The following PCDHA2 variants were observed in gnomAD, a reference collection of about 807,000 sequenced individuals.
The protein encoded by PCDHA2 is protocadherin alpha-2.
Under a neutral mutation model 66.0 loss-of-function variants are expected in PCDHA2, and 58 were observed. That is an observed-to-expected ratio of 0.88 (90% CI 0.71 to 1.09). PCDHA2 has a LOEUF of 1.09. Ranked by LOEUF, PCDHA2 falls within the 50% of genes least tolerant of loss-of-function variation. The probability of loss-of-function intolerance (pLI) is 0.00; values close to 1 mark genes in which losing one functional copy is unlikely to be tolerated. For missense variants in PCDHA2, 1,267 were observed against 1,242.3 expected, an observed-to-expected ratio of 1.02 and a Z score of -0.30; for synonymous variants, 634 against 554.0, an observed-to-expected ratio of 1.14 and a Z score of -2.03.
intron 1 of PCDHA2, chr5:140,876,863 T>C (rs1225401565): frequency 4.3e-6 from 7 of 1,613,806 alleles, no homozygotes; most frequent in Non-Finnish European, 5.1e-6. Flanking sequence ...ACAGTGTTCG[T>C]GAAGGAGAAC....
rs140711682 is a variant in PCDHA2, at chr5:140,849,699, A to T, written c.2388+52347A>T. On this transcript the variant is annotated intron_variant, in intron 1 of 3. Coordinates refer to ENST00000526136, the MANE Select transcript of PCDHA2 (RefSeq NM_018905.3). ...CCCCTTCAAGCTGGTGTCCACCTACAAGAATTACTACTCGTTGGTGCTGGA... is the reference window on the plus strand; with the variant it reads ...CCCCTTCAAGCTGGTGTCCACCTACTAGAATTACTACTCGTTGGTGCTGGA... 57 of 1,598,608 alleles carry T rather than the reference A, an allele frequency of 3.6e-5. 2 individuals carry two copies. The African/African-American group carries it at 7.7e-4, about 21-fold the overall frequency.
intron 3 of PCDHA2, 149 bp downstream of exon 3, chr5:140,982,712 T>C: frequency 7.3e-7 from 1 of 1,373,964 alleles, no homozygotes; most frequent in Non-Finnish European, 9.6e-7. Context: ...TCCTTACATA[T>C]ATGATTATTT....
chr5:140,861,121 A>G (rs556416106), intron 1 of PCDHA2: 3 of 153,482 alleles, frequency 2.0e-5, no homozygotes, highest in African/African-American at 7.2e-5. Flanking sequence ...ACAAACACCC[A>G]TTAAGACCAC....
intron 1 of PCDHA2, among the ~76,000 whole-genome samples, chr5:140,900,051 C>G (rs1489382607): frequency 6.6e-6 from 1 of 152,168 alleles, no homozygotes; most frequent in African/African-American, 2.4e-5. Flanking sequence ...CTCAAGTGAT[C>G]CTTTAACCTC....
intron 1 of PCDHA2, among the ~76,000 whole-genome samples, chr5:140,819,544 C>A (rs1389575775): frequency 6.6e-6 from 1 of 152,036 alleles, no homozygotes; most frequent in Admixed American, 6.5e-5. Flanking sequence ...TAATCTGTAA[C>A]ATTTGATTGA....
intron 1 of PCDHA2, among the ~76,000 whole-genome samples, chr5:140,855,699 C>A (rs901621120): frequency 6.7e-6 from 1 of 149,362 alleles, no homozygotes; most frequent in Non-Finnish European, 1.5e-5. Context: ...AAACATTGCA[C>A]GTGGGATCAA....
intron 1 of PCDHA2, chr5:140,928,137 C>A (rs537220203): frequency 6.2e-7 from 1 of 1,614,182 alleles, no homozygotes; most frequent in South Asian, 1.1e-5. Flanking sequence ...AAGTCCTGAT[C>A]ACGGCCTCAG....
In PCDHA2 at chr5:140,836,909, CTTTTG is replaced by C. The variant is rs2150271100; in HGVS notation, c.2388+39563_2388+39567del. On this transcript the variant is annotated intron_variant, in intron 1 of 3. Coordinates refer to ENST00000526136, the MANE Select transcript of PCDHA2 (RefSeq NM_018905.3). ...TATTTGGAAGTACGTTTAATATACACTTTTGTTTTGGGATGCGTAATACTATAGAT... is the reference window on the plus strand; with the variant it reads ...TATTTGGAAGTACGTTTAATATACACTTTTGGGATGCGTAATACTATAGAT... 186 of 579,744 alleles carry C rather than the reference CTTTTG, an allele frequency of 3.2e-4. 4 individuals carry two copies. The highest frequency in any genetic ancestry group is 1.5e-3 in the South Asian group (53 of 34,270). 35.9% of individuals were successfully genotyped at this position (579,744 alleles called of 1,614,324 possible).
chr5:140,808,399 C>T (rs782596581), intron 1 of PCDHA2: 1 of 1,614,190 alleles, frequency 6.2e-7, no homozygotes, highest in Non-Finnish European at 8.5e-7. Flanking sequence ...TCAAGAATTA[C>T]TACTCGTTGG....
intron 1 of PCDHA2, among the ~76,000 whole-genome samples, chr5:140,886,986 A>C (rs1246352877): frequency 6.6e-6 from 1 of 152,160 alleles, no homozygotes; most frequent in Non-Finnish European, 1.5e-5. Context: ...TGTAAATCCA[A>C]ATTTCCAGTT....
intron 1 of PCDHA2, chr5:140,883,208 A>G: frequency 6.2e-7 from 1 of 1,614,034 alleles, no homozygotes; most frequent in Non-Finnish European, 8.5e-7. Flanking sequence ...CGAAGAAAAG[A>G]AATTATATGA....
intron 1 of PCDHA2, among the ~76,000 whole-genome samples, chr5:140,896,590 T>G (rs1338982892): frequency 6.6e-6 from 1 of 152,032 alleles, no homozygotes; most frequent in Non-Finnish European, 1.5e-5. Flanking sequence ...TTGGCCAGGC[T>G]GGTCTCGAAC....
At chr5:140,804,475 A>G (rs1763398266) in intron 1 of PCDHA2, 2 of 152,178 alleles carry the variant, frequency 1.3e-5, no homozygotes, top group South Asian at 2.1e-4. Flanking sequence ...TCTGAACAAT[A>G]TCTTGAAAAT....
In PCDHA2 at chr5:140,844,186, T is replaced by G. The variant is rs1779260414; in HGVS notation, c.2388+46834T>G. ...CTTTAAGATCTCGGTTTATTCATCT[T>G]ATCTGACTTTTTAGTGTCTGGTAGT... On this transcript the variant is annotated intron_variant, in intron 1 of 3. Transcript: ENST00000526136. Among the ~76,000 whole-genome samples, 2 of 149,872 alleles carry G rather than the reference T, an allele frequency of 1.3e-5. 1 individual carries two copies. Among genetic ancestry groups the G allele is most frequent in the Admixed American group, 1.3e-4 (2 of 14,948 alleles).
intron 1 of PCDHA2, among the ~76,000 whole-genome samples, chr5:140,873,282 T>C (rs961755772): frequency 2.6e-4 from 39 of 152,330 alleles, no homozygotes; most frequent in African/African-American, 8.7e-4. Context: ...TCATACCACT[T>C]ATGAAACTTT....
intron 1 of PCDHA2, among the ~76,000 whole-genome samples, chr5:140,905,438 C>T (rs182288757): frequency 1.5e-4 from 23 of 152,228 alleles, no homozygotes; most frequent in Non-Finnish European, 2.4e-4. Flanking sequence ...TAACTACAGC[C>T]TTTTAGTATA....
intron 1 of PCDHA2, among the ~76,000 whole-genome samples, chr5:140,932,585 T>C (rs1275216145): frequency 6.6e-6 from 1 of 151,944 alleles, no homozygotes; most frequent in Non-Finnish European, 1.5e-5. Flanking sequence ...GGTAATTAGA[T>C]GTTTTGTATA....
At chr5:140,882,768 C>CA in intron 1 of PCDHA2, 1 of 1,614,222 alleles carries the variant, frequency 6.2e-7, no homozygotes, top group Non-Finnish European at 8.5e-7. Flanking sequence ...GTAAACTCGG[C>CA]ATTGACCTAC....
chr5:140,968,083 G>A (rs1298667830), intron 1 of PCDHA2: 1 of 1,614,006 alleles, frequency 6.2e-7, no homozygotes, highest in Non-Finnish European at 8.5e-7. Flanking sequence ...ACATCACGGT[G>A]ACAGCCACAG....
Sources: allele counts gnomAD v4.1 joint callset (sites outside exome capture counted in the v4.1 genomes callset), GRCh38; gene constraint gnomAD v4.1.1; transcripts MANE v1.5; gene names NCBI Gene and HGNC (gene_info 2026-07-23, HGNC 2026-07-21).